Variants in ZFHX2 observed in about 807,000 individuals in gnomAD.
ZFHX2 encodes the protein zinc finger homeobox protein 2.
Under a neutral mutation model 164.8 loss-of-function variants are expected in ZFHX2, and 75 were observed. That is an observed-to-expected ratio of 0.46 (90% CI 0.38 to 0.55). ZFHX2 has a LOEUF of 0.55. Among genes scored for constraint, ZFHX2 ranks in the 20% least tolerant of loss-of-function variants. The probability of loss-of-function intolerance (pLI) is 0.00; values close to 1 mark genes in which losing one functional copy is unlikely to be tolerated. For synonymous variants in ZFHX2, 1,217 were observed against 1,351.4 expected, an observed-to-expected ratio of 0.90 and a Z score of 2.18; for missense variants, 2,933 against 3,308.0, an observed-to-expected ratio of 0.89 and a Z score of 2.78.
rs1376129169 is a variant in ZFHX2, at chr14:23,526,889, T to TG, written c.3219dup (p.Thr1074HisfsTer18). The TG allele has an allele frequency of 2.0e-6, 3 of 1,533,684 alleles. No homozygotes were observed. The highest frequency in any genetic ancestry group is 2.0e-5 in the Admixed American group (1 of 50,406). ...CTCGGTGTAGGCTCTGGCCCATGAG[T>TG]GGGGGGTTCTTGGCCATTGTCCAGA... On this transcript the variant is annotated frameshift_variant, in exon 8 of 10. Transcript: ENST00000419474. LOFTEE classifies it high-confidence loss of function.
chr14:23,527,970 G>T (rs553111655), intron 6 of ZFHX2, among the ~76,000 whole-genome samples, 166 bp from the exon 7 acceptor site: 1 of 145,028 alleles, frequency 6.9e-6, no homozygotes. Flanking sequence ...GCAGTGACGT[G>T]ATCTCGGCTC....
At chr14:23,540,907 T>C (rs114559160) in intron 1 of ZFHX2, among the ~76,000 whole-genome samples, 3,068 of 152,008 alleles carry the variant, frequency 0.02, 103 homozygotes, top group African/African-American at 0.071. Context: ...TTTTTCTTTT[T>C]TCTCTCTTTT....
In ZFHX2 at chr14:23,525,017, C is replaced by G; in HGVS notation, c.4925G>C (p.Trp1642Ser). Residue 1642 changes from tryptophan to serine, a missense_variant, in exon 9 of 10, where the codon TGG becomes TCG. Physicochemically the swap from Trp to Ser is radical, Grantham distance 177. Transcript: ENST00000419474. This position sits in a 1 kb window ranked among gnomAD's most constrained non-coding sequence, Gnocchi z 5.9. ...LGLASRVVVV[W>S]FQNARQKARK... ...TGCTTTCTGGCGGGCATTCTGGAAC[C>G]ACACCACCACCACACGGCTAGCCAG... The G allele has an allele frequency of 6.5e-7, 1 of 1,536,200 alleles. No individual in the cohort carries two copies. The highest frequency in any genetic ancestry group is 8.7e-7 in the Non-Finnish European group (1 of 1,146,904).
At position 23,530,169 on chromosome 14, in the gene ZFHX2, A is replaced by C. The variant is rs745613686; in HGVS notation, c.2826T>G (p.Ala942=). 2.6e-6 allele frequency: 4 copies of C among 1,536,006 alleles called. No homozygotes were observed. The South Asian group carries it at 4.8e-5, about 18-fold the overall frequency. The change falls in exon 5 of 10, where the codon GCT becomes GCG. Residue 942 remains alanine (A), a synonymous_variant. Transcript: ENST00000419474. ...TPGKAPVTPL[A]EPPTPEKDAQ... ...CATCTTTCTCAGGGGTGGGTGGCTC[A>C]GCTAAGGGGGTGACAGGAGCCTTCC...
intron 1 of ZFHX2, among the ~76,000 whole-genome samples, chr14:23,537,550 A>G (rs1371524468): frequency 6.6e-6 from 1 of 152,138 alleles, no homozygotes. Flanking sequence ...CTAGCCAGGC[A>G]TGAAGTCAGA....
Position 23,524,400 on chromosome 14 carries a change from C to T in ZFHX2, c.5542G>A (p.Gly1848Arg). The T allele has an allele frequency of 6.5e-7, 1 of 1,536,232 alleles. No individual in the cohort carries two copies. Among genetic ancestry groups the T allele is most frequent in the African/African-American group, 1.4e-5 (1 of 73,184 alleles). The change falls in exon 9 of 10, where the codon GGA (glycine) becomes AGA (arginine). Residue 1848 changes from glycine to arginine, a missense_variant. Coordinates refer to ENST00000419474, the MANE Select transcript of ZFHX2 (RefSeq NM_033400.3). This position sits in a 1 kb window ranked among gnomAD's most constrained non-coding sequence, Gnocchi z 5.6. ...SLSPTGSEAG[G>R]GGEGEPPRDK... ...CTGGGGGGCTCGCCCTCCCCTCCTC[C>T]CCCTGCTTCACTGCCTGTGGGAGAC... is the stretch of plus-strand genomic sequence containing the variant.
rs1466616801 is a variant in ZFHX2, at chr14:23,523,814, G to A, written c.6128C>T (p.Ser2043Phe). The A allele has an allele frequency of 3.3e-6, 5 of 1,536,122 alleles. No individual in the cohort carries two copies. The Middle Eastern group carries it at 6.7e-4, about 204-fold the overall frequency. ...CCCACTGGTCCCTCCAGCCCCAGGG[G>A]ATTCTGGTTCAGCTAGGCTGGAAGC... The part of the protein sequence containing the change: ...SSASSLAEPE[S>F]PGAGGTSGGP... The change falls in exon 9 of 10, where the codon TCC becomes TTC. Residue 2043 changes from serine (S) to phenylalanine (F), a missense_variant. Transcript: ENST00000419474. This position sits in a 1 kb window ranked among gnomAD's most constrained non-coding sequence, Gnocchi z 4.1.
chr14:23,526,236 C>A lies in ZFHX2; in HGVS notation c.3706G>T (p.Ala1236Ser). Residue 1236 changes from alanine (A) to serine (S), a missense_variant, in exon 9 of 10, where the codon GCC (alanine) becomes TCC (serine). Coordinates refer to ENST00000419474, the MANE Select transcript of ZFHX2 (RefSeq NM_033400.3). ...PSAPARGEAG[A>S]PPTTTAATDK... ...GTGGCAGCAGTGGTGGTGGGTGGGG[C>A]ACCGGCCTCTCCCCGTGCAGGGGCA... 6.5e-7 allele frequency: 1 copy of A among 1,536,300 alleles called. No individual in the cohort carries two copies.
rs557696695 is a variant in ZFHX2 at position 23,535,843 on chromosome 14, C to T, written c.-49-469G>A. ...CCGACCTCAAGTGATCCGCCCACCT[C>T]GGCCTCCCAAAGTGCTAGGATTATA... On this transcript the variant is annotated intron_variant, in intron 1 of 9. Transcript: ENST00000419474. The surrounding 1 kb of genome is among the most constrained non-coding windows in gnomAD (Gnocchi z 4.5). Among the ~76,000 whole-genome samples the T allele has an allele frequency of 1.3e-5, 2 of 152,286 alleles. No homozygotes were observed. The highest frequency in any genetic ancestry group is 1.9e-4 in the East Asian group (1 of 5,190).
Position 23,521,116 on chromosome 14 carries a change from G to C in ZFHX2, c.*846C>G, listed in dbSNP as rs952149216. 3.3e-5 allele frequency: 5 copies of C among 152,196 alleles called. No homozygotes were observed. Among genetic ancestry groups the C allele is most frequent in the Admixed American group, 6.5e-5 (1 of 15,280 alleles). The allele number at this position is 152,196 out of a possible 1,614,324, so 9.4% of individuals were successfully genotyped here. A position where few individuals can be genotyped will look rare whatever the true frequency, so the allele number is the denominator to read the frequency against. ...AGGGGCAGGCCCACGGCCGCTGAGA[G>C]GATCTCTGTGTTTAAAGCCTTTGAG... is the stretch of plus-strand genomic sequence containing the variant. On this transcript the variant is annotated 3_prime_UTR_variant, in exon 10 of 10. Transcript: ENST00000419474.
chr14:23,548,847 G>GGCGCCCCCGCA (rs1322199813), intron 1 of ZFHX2, among the ~76,000 whole-genome samples: 7 of 151,980 alleles, frequency 4.6e-5, no homozygotes, highest in Non-Finnish European at 8.8e-5. Flanking sequence ...CCAACCCCCC[G>GGCGCCCCCGCA]GCGCCCCCGC....
chr14:23,524,802 C>T lies in ZFHX2; in HGVS notation c.5140G>A (p.Val1714Met). Residue 1714 changes from valine (V) to methionine (M), a missense_variant, in exon 9 of 10, where the codon GTG (valine) becomes ATG (methionine). Physicochemically the swap from Val to Met is conservative, Grantham distance 21. Coordinates refer to ENST00000419474, the MANE Select transcript of ZFHX2 (RefSeq NM_033400.3). The surrounding 1 kb of genome is among the most constrained non-coding windows in gnomAD (Gnocchi z 5.6). ...TCCTCCTCTACTTCTTCTTCTTCCACCTCTTCCTCCTCTTCCCCTCTCTCT... is the reference window on the plus strand; with the variant it reads ...TCCTCCTCTACTTCTTCTTCTTCCATCTCTTCCTCCTCTTCCCCTCTCTCT... ...EAERGEEEEEVEEEEVEEEQG... is the reference protein window; with the variant it reads ...EAERGEEEEEMEEEEVEEEQG... The T allele has an allele frequency of 6.5e-7, 1 of 1,536,890 alleles. No homozygotes were observed. Among genetic ancestry groups the T allele is most frequent in the Non-Finnish European group, 8.7e-7 (1 of 1,147,098 alleles).
At chr14:23,553,167 T>C (rs1417745984), upstream of ZFHX2, among the ~76,000 whole-genome samples, 1 of 152,198 alleles carries the variant, frequency 6.6e-6, no homozygotes, top group African/African-American at 2.4e-5. Flanking sequence ...AGCCTACTTC[T>C]CTTAAACAAC....
Position 23,526,485 on chromosome 14 carries a change from T to C in ZFHX2, c.3457A>G (p.Thr1153Ala). 6.5e-7 allele frequency: 1 copy of C among 1,535,794 alleles called. No homozygotes were observed. The highest frequency in any genetic ancestry group is 8.7e-7 in the Non-Finnish European group (1 of 1,146,810). Residue 1153 changes from threonine (T) to alanine (A), a missense_variant, in exon 9 of 10, where the codon ACC becomes GCC. By Grantham distance (58) the Thr-to-Ala change is moderately conservative (BLOSUM62 0). Coordinates refer to ENST00000419474, the MANE Select transcript of ZFHX2 (RefSeq NM_033400.3). ...TCTGCAGAGCGGAGCTCCCCAGTGG[T>C]CCCCTCTTCCTCCTCAGCCATGGTG... ...PPTMAEEEEG[T>A]TGELRSAEPA...
chr14:23,536,987 G>T (rs573565003), intron 1 of ZFHX2, among the ~76,000 whole-genome samples: 2 of 131,654 alleles, frequency 1.5e-5, no homozygotes, highest in South Asian at 2.5e-4. Flanking sequence ...AAAATACAAA[G>T]AAATTAGTTG....
rs1878381698 is a variant in ZFHX2 at position 23,524,015 on chromosome 14, C to T, written c.5927G>A (p.Gly1976Glu). 6 of 1,517,706 alleles carry T rather than the reference C, an allele frequency of 4.0e-6. No individual in the cohort carries two copies. The African/African-American group carries it at 4.1e-5, about 10-fold the overall frequency. The allele number at this position is 1,517,706 out of a possible 1,614,324, so 94.0% of individuals were successfully genotyped here. The change falls in exon 9 of 10, where the codon GGG becomes GAG. Residue 1976 changes from glycine (G) to glutamate (E), a missense_variant. Coordinates refer to ENST00000419474, the MANE Select transcript of ZFHX2 (RefSeq NM_033400.3). The surrounding 1 kb of genome is among the most constrained non-coding windows in gnomAD (Gnocchi z 5.6). ...CCCAGGTGGTAGGAAAGGCTGGGGCCCAGAAGCAAGCGTGGCAGTGGGGTA... is the reference window on the plus strand; with the variant it reads ...CCCAGGTGGTAGGAAAGGCTGGGGCTCAGAAGCAAGCGTGGCAGTGGGGTA... ...FPYPTATLASGPQPFLPPGKE... is the reference protein window; with the variant it reads ...FPYPTATLASEPQPFLPPGKE...
At chr14:23,529,862 G>T in intron 5 of ZFHX2, 94 bp from the exon 6 acceptor site, 1 of 1,270,950 alleles carries the variant, frequency 7.9e-7, no homozygotes, top group Non-Finnish European at 1.1e-6. Context: ...GGGCACTAGA[G>T]AAAGGGCAGG....
chr14:23,552,985 C>T (rs1005565502), upstream of ZFHX2, among the ~76,000 whole-genome samples: 1 of 152,172 alleles, frequency 6.6e-6, no homozygotes, highest in African/African-American at 2.4e-5. Context: ...TTGTTTACTC[C>T]TCTCAATACC....
At chr14:23,545,134 C>T (rs1881257522) in intron 1 of ZFHX2, among the ~76,000 whole-genome samples, 1 of 152,132 alleles carries the variant, frequency 6.6e-6, no homozygotes, top group Non-Finnish European at 1.5e-5. Flanking sequence ...CCTCCCCTCC[C>T]CCACATTGCC....
Sources: allele counts gnomAD v4.1 joint callset (sites outside exome capture counted in the v4.1 genomes callset), GRCh38; gene constraint gnomAD v4.1.1; non-coding constraint Gnocchi (gnomAD v3.1); transcripts MANE v1.5; gene names NCBI Gene and HGNC (gene_info 2026-07-23, HGNC 2026-07-21).